INPP4B: variants seen among roughly 807,000 people sequenced by gnomAD.
INPP4B encodes the protein inositol polyphosphate 4-phosphatase type II.
In INPP4B, 55 loss-of-function variants were observed where a neutral mutation model predicts 122.5. The observed-to-expected ratio is 0.45, with a 90% CI of 0.36 to 0.56. INPP4B has a LOEUF of 0.56. Among genes scored for constraint, INPP4B ranks in the 20% least tolerant of loss-of-function variants. INPP4B has a pLI of 0.00. For synonymous variants in INPP4B, 403 were observed against 388.7 expected, an observed-to-expected ratio of 1.04 and a Z score of -0.43; for missense variants, 1,000 against 1,097.7, an observed-to-expected ratio of 0.91 and a Z score of 1.26.
At chr4:142,757,434 A>G (rs986096057) in intron 1 of INPP4B, among the ~76,000 whole-genome samples, 1 of 152,050 alleles carries the variant, frequency 6.6e-6, no homozygotes, top group Non-Finnish European at 1.5e-5. Context: ...TTCTTTGCCT[A>G]TTCATCCCTT....
chr4:142,515,436 T>C (rs998419004), intron 2 of INPP4B, among the ~76,000 whole-genome samples: 3 of 152,198 alleles, frequency 2.0e-5, no homozygotes, highest in Non-Finnish European at 2.9e-5. Context: ...CCTCATTAAA[T>C]GCCTTTTTTT....
At chr4:142,290,751 A>C (rs1177706926) in intron 9 of INPP4B, among the ~76,000 whole-genome samples, 1 of 151,988 alleles carries the variant, frequency 6.6e-6, no homozygotes, top group Non-Finnish European at 1.5e-5. Flanking sequence ...CTGATCACCC[A>C]CTGGACCAGG....
chr4:142,783,246 A>C (rs915910135), intron 1 of INPP4B, among the ~76,000 whole-genome samples: 10 of 152,100 alleles, frequency 6.6e-5, no homozygotes, highest in African/African-American at 2.4e-4. Context: ...AATGGGAGAA[A>C]ATTTTTGCAA....
rs143078606 is a variant in INPP4B, at chr4:142,159,034, T to G, written c.1563+1324A>C. 1.9e-4 allele frequency among the ~76,000 whole-genome samples: 29 copies of G among 152,104 alleles called. No homozygotes were observed. The East Asian group carries it at 3.5e-3, about 18-fold the overall frequency. ...TTATCTCAAGGGATAGTATTAATCT[T>G]CTTAATAAGATTATATAATTTATAT... On this transcript the variant is annotated intron_variant, in intron 17 of 25. Transcript: ENST00000262992.
intron 2 of INPP4B, among the ~76,000 whole-genome samples, chr4:142,719,328 ATT>A (rs984073045): frequency 7.2e-5 from 11 of 151,854 alleles, no homozygotes; most frequent in Non-Finnish European, 1.5e-4. Flanking sequence ...CAATTTTCTT[ATT>A]TTTTATTTTT....
intron 5 of INPP4B, among the ~76,000 whole-genome samples, chr4:142,423,306 CTG>C (rs1222006580): frequency 6.6e-6 from 1 of 152,064 alleles, no homozygotes; most frequent in Non-Finnish European, 1.5e-5. Context: ...GTTGTAAATG[CTG>C]TGTCTGTAAA....
intron 3 of INPP4B, among the ~76,000 whole-genome samples, chr4:142,459,748 C>T (rs1469843574): frequency 2.0e-5 from 3 of 152,128 alleles, no homozygotes; most frequent in Non-Finnish European, 2.9e-5. Flanking sequence ...GGGCTATCTG[C>T]GTCCTAGCAC....
Position 142,685,613 on chromosome 4 carries a change from C to T in INPP4B, c.-191+40226G>A, listed in dbSNP as rs561587958. Among the ~76,000 whole-genome samples the T allele has an allele frequency of 7.2e-5, 11 of 151,988 alleles. No individual in the cohort carries two copies. In the South Asian group the frequency reaches 1.9e-3, roughly 26 times the overall value. ...CTTGGTATAAATTTAAATAGGTTTC[C>T]GCCAGTCACGTTGGCTTACACCTGT... On this transcript the variant is annotated intron_variant, in intron 2 of 25. Coordinates refer to ENST00000262992, the MANE Select transcript of INPP4B (RefSeq NM_001101669.3).
At chr4:142,110,117 C>T (rs1789264209) in intron 22 of INPP4B, among the ~76,000 whole-genome samples, 1 of 152,098 alleles carries the variant, frequency 6.6e-6, no homozygotes, top group South Asian at 2.1e-4. Context: ...TGTGGAAGCC[C>T]TAAGCCCGAA....
At chr4:142,523,689 GGTAC>G (rs1361037885) in intron 2 of INPP4B, among the ~76,000 whole-genome samples, 2 of 151,296 alleles carry the variant, frequency 1.3e-5, no homozygotes, top group Admixed American at 6.6e-5. Flanking sequence ...TAAGTTTTAG[GGTAC>G]ATGTGCACAT....
chr4:142,478,759 G>T (rs1820124396), intron 2 of INPP4B, among the ~76,000 whole-genome samples: 1 of 152,088 alleles, frequency 6.6e-6, no homozygotes, highest in African/African-American at 2.4e-5. Context: ...TTTTTCTGCT[G>T]TGATTCTGCC....
intron 9 of INPP4B, among the ~76,000 whole-genome samples, chr4:142,288,737 G>A (rs190570093): frequency 2.8e-4 from 42 of 151,858 alleles, no homozygotes; most frequent in African/African-American, 7.3e-4. Context: ...ACATAACAGC[G>A]ATATAGTATT....
chr4:142,665,493 C>CAAAA (rs11417876), intron 2 of INPP4B, among the ~76,000 whole-genome samples: 7 of 107,630 alleles, frequency 6.5e-5, no homozygotes, highest in African/African-American at 1.1e-4. Context: ...GACTCTGTCT[C>CAAAA]AAAAAAAAAA....
intron 12 of INPP4B, among the ~76,000 whole-genome samples, chr4:142,229,773 C>A (rs1853348861): frequency 1.3e-5 from 2 of 152,172 alleles, no homozygotes; most frequent in Non-Finnish European, 2.9e-5. Context: ...TACAAGGAAT[C>A]AAGAATCCCT....
chr4:142,303,380 T>C (rs1762222393), intron 9 of INPP4B, among the ~76,000 whole-genome samples: 1 of 152,120 alleles, frequency 6.6e-6, no homozygotes, highest in Admixed American at 6.6e-5. Flanking sequence ...TTTACAGAAA[T>C]CAGAGAATTT....
Position 142,124,691 on chromosome 4 carries a change from C to T in INPP4B, c.1790G>A (p.Arg597Gln), listed in dbSNP as rs777966937. 5.9e-5 allele frequency: 95 copies of T among 1,612,158 alleles called. No homozygotes were observed. Among genetic ancestry groups the T allele is most frequent in the East Asian group, 8.9e-5 (4 of 44,770 alleles). Residue 597 changes from arginine (R) to glutamine (Q), a missense_variant, in exon 19 of 26, where the codon CGA (arginine) becomes CAA (glutamine). Arg to Gln is a conservative substitution (Grantham distance 43). Coordinates refer to ENST00000262992, the MANE Select transcript of INPP4B (RefSeq NM_001101669.3). ...CACAAATGTCAGGGACTGCTTGGCT[C>T]GGTTCACCACTTCTCCCATGCAGTC... is the stretch of plus-strand genomic sequence containing the variant. ...LKDCMGEVVN[R>Q]AKQSLTFVLL... is the part of the protein sequence containing the mutation.
chr4:142,791,277 G>A (rs1261056335), intron 1 of INPP4B, among the ~76,000 whole-genome samples: 1 of 152,076 alleles, frequency 6.6e-6, no homozygotes, highest in African/African-American at 2.4e-5. Flanking sequence ...TAAAGGGACT[G>A]TTAAATATTG....
intron 2 of INPP4B, among the ~76,000 whole-genome samples, chr4:142,590,961 A>G (rs2150247077): frequency 6.6e-6 from 1 of 151,926 alleles, no homozygotes; most frequent in South Asian, 2.1e-4. Flanking sequence ...ATGTGAAAAG[A>G]AGTATAGAAG....
chr4:142,793,716 G>C (rs533362538), intron 1 of INPP4B, among the ~76,000 whole-genome samples: 3 of 151,642 alleles, frequency 2.0e-5, no homozygotes, highest in African/African-American at 4.8e-5. Context: ...ATTTTAGAAG[G>C]GTTACTGAAA....
Sources: allele counts gnomAD v4.1 joint callset (sites outside exome capture counted in the v4.1 genomes callset), GRCh38; gene constraint gnomAD v4.1.1; transcripts MANE v1.5; gene names NCBI Gene and HGNC (gene_info 2026-07-23, HGNC 2026-07-21).